ANK1: variants seen among roughly 807,000 people sequenced by gnomAD.
ANK1 encodes ankyrin 1, also known as ankyrin-1.
A neutral mutation model predicts 210.4 loss-of-function variants in ANK1; 51 were observed. The ratio of observed to expected loss-of-function variants is 0.24; its 90% CI spans 0.19 to 0.31. The LOEUF is 0.31. ANK1 is among the 10% of genes least tolerant of loss of function. The pLI is 1.00. For missense variants in ANK1, 2,051 were observed against 2,504.4 expected (o/e 0.82, Z 3.86); for synonymous variants, 967 against 1,025.9 (o/e 0.94, Z 1.10).
In ANK1 at chr8:41,693,216, G is replaced by C; in HGVS notation, c.3533-15C>G. The C allele has an allele frequency of 6.4e-7, 1 of 1,564,532 alleles. No homozygotes were observed. The highest frequency in any genetic ancestry group is 2.2e-5 in the East Asian group (1 of 44,620). On this transcript the variant is annotated splice_polypyrimidine_tract_variant and intron_variant, in intron 29 of 42. Transcript: ENST00000289734. Reference sequence around the variant, plus strand: ...GTCTGTTCCTCCTGTAACAGCGGCAGAAATGGGGCTGGGGACAGTCTTCAG... The same window carrying C: ...GTCTGTTCCTCCTGTAACAGCGGCACAAATGGGGCTGGGGACAGTCTTCAG...
At chr8:41,867,748 T>G (rs995124555) in intron 1 of ANK1, among the ~76,000 whole-genome samples, 1 of 152,190 alleles carries the variant, frequency 6.6e-6, no homozygotes, top group East Asian at 1.9e-4. Flanking sequence ...TCTCCCCCAC[T>G]GAAATGACAG....
chr8:41,843,398 C>T (rs570331511), intron 1 of ANK1, among the ~76,000 whole-genome samples: 56 of 151,408 alleles, frequency 3.7e-4, no homozygotes, highest in Admixed American at 5.9e-4. Context: ...CTTCATTTCC[C>T]CCCCACCCAC....
intron 1 of ANK1, among the ~76,000 whole-genome samples, chr8:41,767,547 C>G (rs570629441): frequency 3.9e-4 from 59 of 152,306 alleles, no homozygotes; most frequent in Admixed American, 8.5e-4. Context: ...CGCCCGCCAG[C>G]CTGCCGCTAA....
intron 38 of ANK1, among the ~76,000 whole-genome samples, chr8:41,669,914 G>A (rs954898335): frequency 8.5e-5 from 13 of 152,124 alleles, no homozygotes; most frequent in African/African-American, 2.9e-4. Context: ...TGCCAGGCAC[G>A]GTCTCCTTCA....
In ANK1 at chr8:41,693,136, A is replaced by G; in HGVS notation, c.3598T>C (p.Cys1200Arg). 2 of 1,613,422 alleles carry G rather than the reference A, an allele frequency of 1.2e-6. No homozygotes were observed. Among genetic ancestry groups the G allele is most frequent in the South Asian group, 2.2e-5 (2 of 91,052 alleles). ...GAGACATTGGTGGTGAAGTTGGCGC[A>G]CTCGTTGGCATATACAAGTTTGGTG... The part of the protein sequence containing the change: ...GTTKLVYANE[C>R]ANFTTNVSAR... The change falls in exon 30 of 43, where the codon TGC becomes CGC. Residue 1200 changes from cysteine (C) to arginine (R), a missense_variant. Coordinates refer to ENST00000289734, the MANE Select transcript of ANK1 (RefSeq NM_000037.4).
intron 42 of ANK1, among the ~76,000 whole-genome samples, chr8:41,656,114 G>C (rs2150528785): frequency 6.6e-6 from 1 of 152,390 alleles, no homozygotes; most frequent in Admixed American, 6.5e-5. Flanking sequence ...GTCACCTGGG[G>C]AGACATCCCC....
At chr8:41,780,019 T>C (rs1467691097) in intron 1 of ANK1, among the ~76,000 whole-genome samples, 1 of 152,188 alleles carries the variant, frequency 6.6e-6, no homozygotes, top group African/African-American at 2.4e-5. Context: ...CAGAGCACGG[T>C]AGCCCCTTGT....
At chr8:41,777,609 T>C (rs376967724) in intron 1 of ANK1, among the ~76,000 whole-genome samples, 2 of 150,984 alleles carry the variant, frequency 1.3e-5, no homozygotes, top group Non-Finnish European at 3.0e-5. Flanking sequence ...CAACAATAAA[T>C]AAAAACAAAC....
intron 1 of ANK1, among the ~76,000 whole-genome samples, chr8:41,768,799 A>C (rs1842410012): frequency 4.0e-5 from 1 of 25,042 alleles, no homozygotes; most frequent in African/African-American, 1.0e-4. Flanking sequence ...CCCTGTCTCC[A>C]CAAAAAAAAA....
chr8:41,729,304 G>A (rs7016707), intron 3 of ANK1, among the ~76,000 whole-genome samples: 2 of 152,106 alleles, frequency 1.3e-5, no homozygotes, highest in African/African-American at 4.8e-5. Flanking sequence ...AACCAGGCAC[G>A]TAATTGTTTT....
intron 1 of ANK1, among the ~76,000 whole-genome samples, chr8:41,795,928 C>A (rs1033218744): frequency 6.6e-6 from 1 of 152,110 alleles, no homozygotes; most frequent in Non-Finnish European, 1.5e-5. Context: ...GATACCAACA[C>A]GTAAAAATGA....
At chr8:41,822,079 AGAGAGAGAGAG>A (rs1804390041) in intron 1 of ANK1, among the ~76,000 whole-genome samples, 2 of 37,528 alleles carry the variant, frequency 5.3e-5, no homozygotes, top group African/African-American at 3.2e-4. Flanking sequence ...AGAGAGAGAG[AGAGAGAGAGAG>A]AGAGAGAGAG....
intron 40 of ANK1, among the ~76,000 whole-genome samples, chr8:41,662,366 CCTT>C (rs1190339568): frequency 6.6e-6 from 1 of 152,168 alleles, no homozygotes; most frequent in Non-Finnish European, 1.5e-5. Flanking sequence ...AGGAGCCCCT[CCTT>C]GAGAGGCCAA....
intron 37 of ANK1, among the ~76,000 whole-genome samples, chr8:41,681,536 C>T (rs1013105622): frequency 6.6e-6 from 1 of 152,216 alleles, no homozygotes; most frequent in Non-Finnish European, 1.5e-5. Context: ...CCACTTATGT[C>T]GTGCTCACAG....
chr8:41,756,662 C>T (rs532985275), intron 2 of ANK1, among the ~76,000 whole-genome samples: 2 of 152,288 alleles, frequency 1.3e-5, no homozygotes, highest in East Asian at 1.9e-4. Flanking sequence ...AGGCTGGTCT[C>T]GAACTGCTGA....
Position 41,694,006 on chromosome 8 carries a change from G to A in ANK1, c.3424C>T (p.His1142Tyr), listed in dbSNP as rs1820098619. ...VTVEPRRRKF[H>Y]RPIGLRIPLP... is the part of the protein sequence containing the mutation. ...GGGATCCGAAGCCCAATGGGGCGGT[G>A]GAACTTCCGGCGCCGGGGCTCCACG... The change falls in exon 29 of 43, where the codon CAC becomes TAC. Residue 1142 changes from histidine (H) to tyrosine (Y), a missense_variant. His to Tyr is a moderately conservative substitution (Grantham distance 83). Transcript: ENST00000289734. This position sits in a 1 kb window ranked among gnomAD's most constrained non-coding sequence, Gnocchi z 5.7. 2 of 1,614,086 alleles carry A rather than the reference G, an allele frequency of 1.2e-6. No individual in the cohort carries two copies. The highest frequency in any genetic ancestry group is 1.7e-6 in the Non-Finnish European group (2 of 1,179,972).
At position 41,672,775 on chromosome 8, in the gene ANK1, T is replaced by C; in HGVS notation, c.4675A>G (p.Thr1559Ala). 6.2e-7 allele frequency: 1 copy of C among 1,603,040 alleles called. No individual in the cohort carries two copies. The highest frequency in any genetic ancestry group is 8.5e-7 in the Non-Finnish European group (1 of 1,173,116). ...TGCATGTCAGACATCTCCAGCATGGTGTCATGCTCCGTGGCCGCCAAGGGG... is the reference window on the plus strand; with the variant it reads ...TGCATGTCAGACATCTCCAGCATGGCGTCATGCTCCGTGGCCGCCAAGGGG... ...AIPLAATEHDTMLEMSDMQVW... is the reference protein window; with the variant it reads ...AIPLAATEHDAMLEMSDMQVW... Residue 1559 changes from threonine to alanine, a missense_variant, in exon 38 of 43, where the codon ACC (threonine) becomes GCC (alanine). Around this residue, in one of 6 missense-constraint regions of ANK1, gnomAD observed 496 missense variants for 533.4 expected, o/e 0.93. Coordinates refer to ENST00000289734, the MANE Select transcript of ANK1 (RefSeq NM_000037.4).
At chr8:41,662,589 TC>T (rs1274100559) in intron 40 of ANK1, among the ~76,000 whole-genome samples, 1 of 152,216 alleles carries the variant, frequency 6.6e-6, no homozygotes, top group Non-Finnish European at 1.5e-5. Context: ...AGAGGGCATC[TC>T]TTTTTCACCC....
In ANK1 at chr8:41,690,358, C is replaced by A. The variant is rs949699854; in HGVS notation, c.3985-12G>T. The A allele has an allele frequency of 4.3e-6, 7 of 1,614,232 alleles. No homozygotes were observed. Among genetic ancestry groups the A allele is most frequent in the Non-Finnish European group, 5.9e-6 (7 of 1,180,044 alleles). On this transcript the variant is annotated splice_polypyrimidine_tract_variant and intron_variant, in intron 32 of 42. Coordinates refer to ENST00000289734, the MANE Select transcript of ANK1 (RefSeq NM_000037.4). ...CTGCTGTCCCTCACCTAAACTCAATCACACAAAGGAGAATTCAGGGGCCCT... is the reference window on the plus strand; with the variant it reads ...CTGCTGTCCCTCACCTAAACTCAATAACACAAAGGAGAATTCAGGGGCCCT...
Sources: gnomAD v4.1 joint callset for allele counts (sites outside exome capture counted in the v4.1 genomes callset) on GRCh38, gnomAD v4.1.1 for gene constraint, gnomAD v4.1.1 regional missense constraint, Gnocchi (gnomAD v3.1) non-coding constraint, MANE v1.5 for transcripts, NCBI Gene and HGNC (gene_info 2026-07-23, HGNC 2026-07-21) for gene names.